NKAIN2: variants seen among roughly 807,000 people sequenced by gnomAD.
NKAIN2 encodes the protein sodium/potassium transporting ATPase interacting 2.
In NKAIN2, 14 loss-of-function variants were observed where a neutral mutation model predicts 32.6. That is an observed-to-expected ratio of 0.43 (90% CI 0.28 to 0.67). The LOEUF (loss-of-function observed/expected upper bound fraction) is 0.67. NKAIN2 is among the 30% of genes least tolerant of loss of function. The pLI, the probability that NKAIN2 is intolerant of heterozygous loss-of-function variation, is 0.17. For synonymous variants in NKAIN2, 80 were observed against 87.2 expected, an observed-to-expected ratio of 0.92 and a Z score of 0.46; for missense variants, 198 against 258.3, an observed-to-expected ratio of 0.77 and a Z score of 1.60.
chr6:124,066,485 A>T (rs768273657), intron 1 of NKAIN2, among the ~76,000 whole-genome samples: 10 of 152,200 alleles, frequency 6.6e-5, no homozygotes, highest in Non-Finnish European at 1.2e-4. Context: ...CACTTCCAGA[A>T]GGCACTATAG....
intron 3 of NKAIN2, among the ~76,000 whole-genome samples, chr6:124,654,753 G>A (rs2114411495): frequency 6.6e-6 from 1 of 152,240 alleles, no homozygotes; most frequent in Admixed American, 6.5e-5. Flanking sequence ...AAGTTGCTAT[G>A]TGGAATGAAG....
chr6:124,104,506 T>A (rs1339479965), intron 1 of NKAIN2, among the ~76,000 whole-genome samples: 2 of 152,224 alleles, frequency 1.3e-5, no homozygotes, highest in East Asian at 1.9e-4. Context: ...ATGGACTTTT[T>A]AATTTTCATC....
intron 1 of NKAIN2, among the ~76,000 whole-genome samples, chr6:124,211,761 G>C (rs556495909): frequency 1.3e-5 from 2 of 152,124 alleles, no homozygotes; most frequent in Non-Finnish European, 2.9e-5. Context: ...AGCTATAATT[G>C]ATTTTTAGAT....
At chr6:123,877,225 A>G (rs1383889816) in intron 1 of NKAIN2, among the ~76,000 whole-genome samples, 2 of 152,314 alleles carry the variant, frequency 1.3e-5, no homozygotes, top group East Asian at 3.9e-4. Flanking sequence ...TGCATTTAAA[A>G]TCAAGTGTGC....
chr6:123,817,128 T>C (rs766330658), intron 1 of NKAIN2, among the ~76,000 whole-genome samples: 1 of 151,926 alleles, frequency 6.6e-6, no homozygotes, highest in Non-Finnish European at 1.5e-5. Flanking sequence ...GGGGGATGAT[T>C]TTGGAGGAAT....
Position 124,698,403 on chromosome 6 carries a change from T to C in NKAIN2, c.474+40017T>C, listed in dbSNP as rs572455212. ...ATATGAAAGGCTTGGGAAGGAGTAGTGAAAGTCTGTGTTACCCTGAAGAAA... is the reference window on the plus strand; with the variant it reads ...ATATGAAAGGCTTGGGAAGGAGTAGCGAAAGTCTGTGTTACCCTGAAGAAA... On this transcript the variant is annotated intron_variant, in intron 4 of 6. Coordinates refer to ENST00000368417, the MANE Select transcript of NKAIN2 (RefSeq NM_001040214.3). Among the ~76,000 whole-genome samples, 5 of 152,312 alleles carry C rather than the reference T, an allele frequency of 3.3e-5. 1 individual carries two copies. Among genetic ancestry groups the C allele is most frequent in the Admixed American group, 2.6e-4 (4 of 15,292 alleles).
intron 1 of NKAIN2, among the ~76,000 whole-genome samples, chr6:124,167,324 G>C (rs1291343977): frequency 6.6e-6 from 1 of 150,620 alleles, no homozygotes; most frequent in South Asian, 2.1e-4. Flanking sequence ...CTGTTTGTCT[G>C]TTATTGGTGT....
intron 4 of NKAIN2, among the ~76,000 whole-genome samples, chr6:124,683,355 G>A (rs536596203): frequency 1.3e-4 from 20 of 152,224 alleles, no homozygotes; most frequent in African/African-American, 4.3e-4. Context: ...GCTATGTGTT[G>A]TCAAACGTCT....
chr6:124,363,119 G>T (rs1799365055), intron 3 of NKAIN2, among the ~76,000 whole-genome samples: 1 of 152,152 alleles, frequency 6.6e-6, no homozygotes, highest in Non-Finnish European at 1.5e-5. Flanking sequence ...ACAGGCATGA[G>T]CCACCACGCT....
At chr6:124,189,174 A>G (rs1162888239) in intron 1 of NKAIN2, among the ~76,000 whole-genome samples, 1 of 152,202 alleles carries the variant, frequency 6.6e-6, no homozygotes, top group Non-Finnish European at 1.5e-5. Flanking sequence ...AACCCAAGCA[A>G]CAAACCATGA....
At chr6:124,420,696 T>G (rs1190457541) in intron 3 of NKAIN2, among the ~76,000 whole-genome samples, 1 of 152,152 alleles carries the variant, frequency 6.6e-6, no homozygotes, top group African/African-American at 2.4e-5. Flanking sequence ...TGCTAATCCA[T>G]TTGCTTTGCG....
At chr6:124,075,417 A>G (rs1582591035) in intron 1 of NKAIN2, among the ~76,000 whole-genome samples, 1 of 152,150 alleles carries the variant, frequency 6.6e-6, no homozygotes, top group South Asian at 2.1e-4. Flanking sequence ...AATTAATTGT[A>G]TTGTTTTCAG....
Position 124,326,851 on chromosome 6 carries a change from A to G in NKAIN2, c.193-28416A>G, listed in dbSNP as rs550419362. On this transcript the variant is annotated intron_variant, in intron 2 of 6. Coordinates refer to ENST00000368417, the MANE Select transcript of NKAIN2 (RefSeq NM_001040214.3). The stretch of plus-strand genomic sequence containing the variant: ...CTACCAGGAGGGCATAGGTAACCAT[A>G]GCAGTGTTCATCTTTCCCCATTCTT... 8.5e-5 allele frequency among the ~76,000 whole-genome samples: 13 copies of G among 152,284 alleles called. No individual in the cohort carries two copies. The South Asian group carries it at 2.7e-3, about 32-fold the overall frequency.
chr6:124,114,651 G>T (rs1785528521), intron 1 of NKAIN2, among the ~76,000 whole-genome samples: 1 of 152,050 alleles, frequency 6.6e-6, no homozygotes, highest in Admixed American at 6.6e-5. Flanking sequence ...CCCATTAAAA[G>T]AAACCAGAAA....
At position 123,832,028 on chromosome 6, in the gene NKAIN2, A is replaced by G. The variant is rs1412798383; in HGVS notation, c.54+27774A>G. ...CATTAGGGTTCCCTATTGATGTTATATATTCTGTGGATTTGGACAAATGCA... is the reference window on the plus strand; with the variant it reads ...CATTAGGGTTCCCTATTGATGTTATGTATTCTGTGGATTTGGACAAATGCA... On this transcript the variant is annotated intron_variant, in intron 1 of 6. Transcript: ENST00000368417. Among the ~76,000 whole-genome samples, 8 of 152,260 alleles carry G rather than the reference A, an allele frequency of 5.3e-5. No individual in the cohort carries two copies. In the East Asian group the frequency reaches 1.4e-3, roughly 26 times the overall value.
At chr6:124,245,970 C>T (rs925079441) in intron 1 of NKAIN2, among the ~76,000 whole-genome samples, 1 of 151,986 alleles carries the variant, frequency 6.6e-6, no homozygotes, top group Non-Finnish European at 1.5e-5. Flanking sequence ...TAACAGAGTA[C>T]CTGGTATATG....
At chr6:124,582,338 G>T (rs996983144) in intron 3 of NKAIN2, among the ~76,000 whole-genome samples, 7 of 151,926 alleles carry the variant, frequency 4.6e-5, no homozygotes, top group African/African-American at 1.7e-4. Context: ...CCAATAACTT[G>T]CTCATATAAA....
intron 1 of NKAIN2, among the ~76,000 whole-genome samples, chr6:123,948,283 G>T (rs1777161017): frequency 6.6e-6 from 1 of 151,932 alleles, no homozygotes; most frequent in Non-Finnish European, 1.5e-5. Context: ...GGATAAAAAT[G>T]AAGTAGTGGG....
intron 1 of NKAIN2, among the ~76,000 whole-genome samples, chr6:123,842,613 A>G (rs1037688460): frequency 6.6e-6 from 1 of 152,150 alleles, no homozygotes; most frequent in Admixed American, 6.5e-5. Flanking sequence ...TAAGAACTTT[A>G]CAACTTCAGC....
Sources: gnomAD v4.1 joint callset for allele counts (sites outside exome capture counted in the v4.1 genomes callset) on GRCh38, gnomAD v4.1.1 for gene constraint, MANE v1.5 for transcripts, NCBI Gene and HGNC (gene_info 2026-07-23, HGNC 2026-07-21) for gene names.